The following EZR variants were observed in gnomAD, a reference collection of about 807,000 sequenced individuals.
The protein encoded by EZR is cytovillin 2.
Under a neutral mutation model 74.8 loss-of-function variants are expected in EZR, and 40 were observed. That is an observed-to-expected ratio of 0.53 (90% confidence interval 0.42 to 0.70). EZR has a LOEUF of 0.70. Ranked by LOEUF, EZR falls within the 30% of genes least tolerant of loss-of-function variation. The probability of loss-of-function intolerance (pLI) is 0.00; values close to 1 mark genes in which losing one functional copy is unlikely to be tolerated. For missense variants in EZR, 678 were observed against 755.8 expected, an observed-to-expected ratio of 0.90 and a Z score of 1.21; for synonymous variants, 341 against 283.3, an observed-to-expected ratio of 1.20 and a Z score of -2.05.
At chr6:158,790,426 G>A (rs1161154288) in intron 2 of EZR, among the ~76,000 whole-genome samples, 1 of 152,216 alleles carries the variant, frequency 6.6e-6, no homozygotes, top group Non-Finnish European at 1.5e-5. Flanking sequence ...TGTAATCCCA[G>A]CACTTCGGGA....
At chr6:158,817,299 C>T (rs1439570599) in intron 2 of EZR, among the ~76,000 whole-genome samples, 2 of 152,214 alleles carry the variant, frequency 1.3e-5, no homozygotes, top group Non-Finnish European at 2.9e-5. Flanking sequence ...ATACAACTTT[C>T]TAAGAAGCGT....
intron 2 of EZR, among the ~76,000 whole-genome samples, chr6:158,801,034 C>T (rs1000413938): frequency 6.6e-6 from 1 of 152,178 alleles, no homozygotes; most frequent in Non-Finnish European, 1.5e-5. Flanking sequence ...CTTTGGAAGG[C>T]CAATGTGGGA....
intron 8 of EZR, among the ~76,000 whole-genome samples, chr6:158,775,737 G>A (rs1264662950): frequency 1.3e-5 from 2 of 152,218 alleles, no homozygotes; most frequent in African/African-American, 4.8e-5. Context: ...ACAGTTATGT[G>A]CGTATGTCTC....
chr6:158,783,759 T>C, intron 6 of EZR, 93 bp from the exon 7 acceptor site: 1 of 1,317,342 alleles, frequency 7.6e-7, no homozygotes, highest in Non-Finnish European at 1.1e-6. Context: ...TAAGGCGCCT[T>C]GTGTAGGATG....
intron 2 of EZR, among the ~76,000 whole-genome samples, chr6:158,794,178 G>A (rs1225653734): frequency 2.6e-5 from 4 of 152,196 alleles, no homozygotes; most frequent in African/African-American, 9.7e-5. Context: ...CTTCTTGGGA[G>A]GCTGAGGCAG....
chr6:158,816,296 C>A (rs781476197), intron 2 of EZR, among the ~76,000 whole-genome samples: 1 of 151,830 alleles, frequency 6.6e-6, no homozygotes, highest in African/African-American at 2.4e-5. Flanking sequence ...GAAATGTAAA[C>A]CTAAAAGTAA....
chr6:158,813,466 A>G (rs948760278), intron 2 of EZR, among the ~76,000 whole-genome samples: 2 of 152,250 alleles, frequency 1.3e-5, no homozygotes, highest in Non-Finnish European at 2.9e-5. Flanking sequence ...CAGCGTGATC[A>G]TGGCAAATCA....
rs1331559235 is a variant in EZR, at chr6:158,781,086, G to C, written c.698+2434C>G. ...ATTCAATAGATCAGCTTTCTCACCTGAACAATGTTTCAGGCATATCTAATT... is the reference window on the plus strand; with the variant it reads ...ATTCAATAGATCAGCTTTCTCACCTCAACAATGTTTCAGGCATATCTAATT... On this transcript the variant is annotated intron_variant, in intron 7 of 13. Coordinates refer to ENST00000367075, the MANE Select transcript of EZR (RefSeq NM_001111077.2). Among the ~76,000 whole-genome samples, 4 of 152,246 alleles carry C rather than the reference G, an allele frequency of 2.6e-5. No homozygotes were observed. In the East Asian group the frequency reaches 7.7e-4, roughly 29 times the overall value.
chr6:158,807,177 T>G (rs1777358275), intron 2 of EZR, among the ~76,000 whole-genome samples: 1 of 151,920 alleles, frequency 6.6e-6, no homozygotes, highest in African/African-American at 2.4e-5. Flanking sequence ...TAGCCGAGTG[T>G]GATGGCTGGC....
chr6:158,784,356 G>GC (rs1791510278), intron 6 of EZR, among the ~76,000 whole-genome samples: 1 of 152,186 alleles, frequency 6.6e-6, no homozygotes, highest in Non-Finnish European at 1.5e-5. Context: ...GGTGAACAAT[G>GC]CCCCTCTGAC....
intron 9 of EZR, among the ~76,000 whole-genome samples, 155 bp from the exon 10 acceptor site, chr6:158,771,049 C>T (rs936841541): frequency 2.6e-5 from 4 of 152,200 alleles, no homozygotes; most frequent in African/African-American, 4.8e-5. Context: ...ACGGAGCAGC[C>T]GCTCCAGGGC....
chr6:158,818,957 G>A (rs1562511562), intron 1 of EZR, among the ~76,000 whole-genome samples: 5 of 152,128 alleles, frequency 3.3e-5, no homozygotes, highest in Admixed American at 1.3e-4. Flanking sequence ...CCGAGCACTC[G>A]GCAAGTTTCA....
intron 12 of EZR, among the ~76,000 whole-genome samples, chr6:158,768,351 T>C (rs1420504796): frequency 5.3e-5 from 8 of 150,950 alleles, no homozygotes; most frequent in African/African-American, 2.0e-4. Flanking sequence ...TTAAACCTCT[T>C]TTCTTTAACT....
intron 8 of EZR, among the ~76,000 whole-genome samples, chr6:158,772,808 G>C (rs954302228): frequency 9.9e-5 from 15 of 152,188 alleles, no homozygotes; most frequent in Non-Finnish European, 8.8e-5. Context: ...CAAAAAAACA[G>C]TGCGATATAT....
chr6:158,770,703 C>A (rs981663391), intron 10 of EZR, 61 bp downstream of exon 10: 1 of 1,601,356 alleles, frequency 6.2e-7, no homozygotes, highest in African/African-American at 1.3e-5. Context: ...GTGGGTGTGG[C>A]CCCTGCTACT....
At chr6:158,818,883 G>A in intron 1 of EZR, among the ~76,000 whole-genome samples, 1 of 152,106 alleles carries the variant, frequency 6.6e-6, no homozygotes, top group East Asian at 1.9e-4. Flanking sequence ...GATCCGTGGA[G>A]AGGGGGCGCG....
At chr6:158,776,781 G>C (rs1366211177) in intron 7 of EZR, among the ~76,000 whole-genome samples, 1 of 151,988 alleles carries the variant, frequency 6.6e-6, no homozygotes, top group Non-Finnish European at 1.5e-5. Context: ...TGGTGATCTC[G>C]AGGTCAACTG....
In EZR at chr6:158,789,309, A is replaced by G. The variant is rs773132590; in HGVS notation, c.75T>C (p.Thr25=). ...ELEFAIQPNT[T]GKQLFDQVVK... ...CAACCTGATCAAAAAGCTGTTTTCCAGTTGTATTTGGCTGGATTGCAAACT... is the reference window on the plus strand; with the variant it reads ...CAACCTGATCAAAAAGCTGTTTTCCGGTTGTATTTGGCTGGATTGCAAACT... Residue 25 remains threonine (T), a synonymous_variant, in exon 3 of 14, where the codon ACT becomes ACC. Transcript: ENST00000367075. The G allele has an allele frequency of 6.2e-7, 1 of 1,614,158 alleles. No individual in the cohort carries two copies. The highest frequency in any genetic ancestry group is 8.5e-7 in the Non-Finnish European group (1 of 1,179,980).
intron 2 of EZR, among the ~76,000 whole-genome samples, chr6:158,793,257 G>A (rs1173267111): frequency 6.6e-6 from 1 of 151,740 alleles, no homozygotes; most frequent in Admixed American, 6.6e-5. Flanking sequence ...AAATAAAAAT[G>A]ATGATCAGGG....
Sources: gnomAD v4.1 joint callset for allele counts (sites outside exome capture counted in the v4.1 genomes callset) on GRCh38, gnomAD v4.1.1 for gene constraint, MANE v1.5 for transcripts, NCBI Gene and HGNC (gene_info 2026-07-23, HGNC 2026-07-21) for gene names.